The following EFCAB6 variants were observed in gnomAD, a reference collection of about 807,000 sequenced individuals.
EFCAB6 encodes EF-hand calcium-binding domain-containing protein 6.
A neutral mutation model predicts 169.8 loss-of-function variants in EFCAB6; 156 were observed. The ratio of observed to expected loss-of-function variants is 0.92; its 90% CI spans 0.81 to 1.05. The LOEUF (loss-of-function observed/expected upper bound fraction) is 1.05. Among genes scored for constraint, EFCAB6 ranks in the 50% least tolerant of loss-of-function variants. The pLI is 0.00. For synonymous variants in EFCAB6, 698 were observed against 676.4 expected, an observed-to-expected ratio of 1.03 and a Z score of -0.50; for missense variants, 1,800 against 1,829.1, an observed-to-expected ratio of 0.98 and a Z score of 0.29.
At chr22:43,802,135 C>T (rs9614276) in intron 2 of EFCAB6, among the ~76,000 whole-genome samples, 49,858 of 151,966 alleles carry the variant, frequency 0.33, 8,504 homozygotes, top group Middle Eastern at 0.39. Context: ...GGTGAGATGT[C>T]CCCTGAACTG....
In EFCAB6 at chr22:43,765,334, T is replaced by C; in HGVS notation, c.411A>G (p.Gly137=). 1.9e-6 allele frequency: 3 copies of C among 1,612,698 alleles called. No homozygotes were observed. The highest frequency in any genetic ancestry group is 1.7e-5 in the Admixed American group (1 of 59,980). ...PYLAFLSRFG[G]IDLYINGIKR... The stretch of plus-strand genomic sequence containing the variant: ...TTATACCATTTATATATAGGTCAAT[T>C]CCACCAAACCTGGACAGAAAGGCAA... The change falls in exon 5 of 32, where the codon GGA becomes GGG. Residue 137 remains glycine (G), a synonymous_variant. Coordinates refer to ENST00000262726, the MANE Select transcript of EFCAB6 (RefSeq NM_022785.4).
chr22:43,652,610 G>A (rs1602975421), intron 17 of EFCAB6, among the ~76,000 whole-genome samples: 1 of 152,194 alleles, frequency 6.6e-6, no homozygotes, highest in African/African-American at 2.4e-5. Flanking sequence ...CTGGACTAAG[G>A]TTATGAGTCC....
At chr22:43,796,037 ACACACACAC>A (rs2062496682) in intron 2 of EFCAB6, among the ~76,000 whole-genome samples, 1 of 149,376 alleles carries the variant, frequency 6.7e-6, no homozygotes, top group Non-Finnish European at 1.5e-5. Context: ...CCCCCCACAG[ACACACACAC>A]CACACACACA....
intron 20 of EFCAB6, among the ~76,000 whole-genome samples, chr22:43,621,968 C>T (rs1450269389): frequency 6.6e-6 from 1 of 152,120 alleles, no homozygotes; most frequent in Admixed American, 6.5e-5. Flanking sequence ...TGCAAATTAG[C>T]AAAACTCACT....
intron 17 of EFCAB6, among the ~76,000 whole-genome samples, chr22:43,646,704 T>G (rs892861002): frequency 6.6e-6 from 1 of 152,198 alleles, no homozygotes. Flanking sequence ...AATTCTCTGA[T>G]AAAACAATGG....
chr22:43,626,081 ATAT>A (rs1214206932), intron 20 of EFCAB6, among the ~76,000 whole-genome samples: 2 of 152,254 alleles, frequency 1.3e-5, no homozygotes, highest in African/African-American at 4.8e-5. Context: ...GTGTATATAT[ATAT>A]TTTCATACAC....
chr22:43,667,649 TAA>T (rs954795443), intron 16 of EFCAB6, among the ~76,000 whole-genome samples: 2 of 152,128 alleles, frequency 1.3e-5, no homozygotes, highest in African/African-American at 4.8e-5. Context: ...GTGGAAAAAT[TAA>T]AAGTCAGAGC....
intron 17 of EFCAB6, among the ~76,000 whole-genome samples, chr22:43,651,842 T>C (rs957517667): frequency 6.6e-6 from 1 of 152,220 alleles, no homozygotes; most frequent in African/African-American, 2.4e-5. Flanking sequence ...ATTTCAGACT[T>C]GCATGGGGCC....
At chr22:43,630,780 C>T (rs12628052) in intron 19 of EFCAB6, among the ~76,000 whole-genome samples, 11,755 of 152,294 alleles carry the variant, frequency 0.077, 576 homozygotes, top group South Asian at 0.17. Flanking sequence ...CCCCTGCCTC[C>T]TCCACGCTGG....
intron 5 of EFCAB6, among the ~76,000 whole-genome samples, chr22:43,764,597 T>G (rs943850460): frequency 2.0e-5 from 3 of 152,190 alleles, no homozygotes; most frequent in African/African-American, 4.8e-5. Context: ...TCCAAGTTCT[T>G]TGAGAAATCT....
At chr22:43,751,095 A>C (rs2060742851) in intron 6 of EFCAB6, among the ~76,000 whole-genome samples, 1 of 152,218 alleles carries the variant, frequency 6.6e-6, no homozygotes. Context: ...GTGACACGGT[A>C]CAAGAGCAAA....
chr22:43,660,041 T>TG (rs1218691445), intron 17 of EFCAB6, among the ~76,000 whole-genome samples: 2 of 152,088 alleles, frequency 1.3e-5, no homozygotes, highest in African/African-American at 2.4e-5. Flanking sequence ...GAGGCCGAGG[T>TG]GGGGTCTCCA....
chr22:43,634,669 G>T (rs1203764111), intron 18 of EFCAB6, among the ~76,000 whole-genome samples: 3 of 151,338 alleles, frequency 2.0e-5, no homozygotes, highest in Non-Finnish European at 3.0e-5. Flanking sequence ...AACATCCGGT[G>T]GGGGGCGGGC....
intron 4 of EFCAB6, among the ~76,000 whole-genome samples, chr22:43,767,660 C>A (rs2061357894): frequency 6.6e-6 from 1 of 152,206 alleles, no homozygotes; most frequent in Non-Finnish European, 1.5e-5. Context: ...CCATGAGTGC[C>A]AGCGATCTCT....
intron 2 of EFCAB6, among the ~76,000 whole-genome samples, chr22:43,800,151 T>C (rs1474417440): frequency 6.6e-6 from 1 of 152,178 alleles, no homozygotes; most frequent in East Asian, 1.9e-4. Context: ...TGTAGGAGGT[T>C]TGTCCTACTG....
At chr22:43,704,348 G>A (rs914733173) in intron 10 of EFCAB6, among the ~76,000 whole-genome samples, 1 of 152,084 alleles carries the variant, frequency 6.6e-6, no homozygotes, top group African/African-American at 2.4e-5. Context: ...TACTAGGCCT[G>A]CCTCACAGGA....
chr22:43,610,471 GA>G (rs2053224485), intron 21 of EFCAB6, among the ~76,000 whole-genome samples: 2 of 152,202 alleles, frequency 1.3e-5, no homozygotes, highest in African/African-American at 4.8e-5. Context: ...AATCTGCAAT[GA>G]GATACTATTA....
intron 6 of EFCAB6, among the ~76,000 whole-genome samples, chr22:43,736,947 G>A (rs1292362479): frequency 6.6e-6 from 1 of 151,722 alleles, no homozygotes; most frequent in African/African-American, 2.4e-5. Context: ...TGACCCACTG[G>A]GCCCTCCCCT....
intron 13 of EFCAB6, among the ~76,000 whole-genome samples, chr22:43,675,232 T>C (rs1306450070): frequency 6.9e-6 from 1 of 144,110 alleles, no homozygotes; most frequent in African/African-American, 2.5e-5. Flanking sequence ...TATGTATATA[T>C]AACTATGTTA....
Sources: allele counts gnomAD v4.1 joint callset (sites outside exome capture counted in the v4.1 genomes callset), GRCh38; gene constraint gnomAD v4.1.1; transcripts MANE v1.5; gene names NCBI Gene and HGNC (gene_info 2026-07-23, HGNC 2026-07-21).